Variants in ABR observed in about 807,000 individuals in gnomAD.
The protein encoded by ABR is ABR activator of RhoGEF and GTPase.
A neutral mutation model predicts 107.2 loss-of-function variants in ABR; 35 were observed. The observed-to-expected ratio is 0.33, with a 90% CI of 0.25 to 0.43. The LOEUF is 0.43. Among genes scored for constraint, ABR ranks in the 20% least tolerant of loss-of-function variants. The pLI is 1.00. For missense variants in ABR, 815 were observed against 1,115.2 expected, an observed-to-expected ratio of 0.73 and a Z score of 3.83; for synonymous variants, 498 against 462.0, an observed-to-expected ratio of 1.08 and a Z score of -1.00.
intron 2 of ABR, among the ~76,000 whole-genome samples, chr17:1,104,999 G>A (rs1241643207): frequency 6.8e-6 from 1 of 147,468 alleles, no homozygotes; most frequent in Non-Finnish European, 1.5e-5. Context: ...GTTCTTTACA[G>A]TAACTTTTTT....
chr17:1,218,128 C>G (rs74878546), intron 1 of ABR, among the ~76,000 whole-genome samples: 3 of 152,164 alleles, frequency 2.0e-5, no homozygotes, highest in African/African-American at 7.2e-5. Context: ...TTCATTTATA[C>G]GGAGCTCACC....
chr17:1,017,464 C>CT (rs61229673), intron 16 of ABR, among the ~76,000 whole-genome samples: 1,141 of 104,522 alleles, frequency 0.011, 18 homozygotes, highest in African/African-American at 0.024. Flanking sequence ...GCCATGCCCT[C>CT]TTTTTTTTTT....
intron 2 of ABR, among the ~76,000 whole-genome samples, chr17:1,112,551 C>T (rs2038735458): frequency 6.7e-6 from 1 of 148,794 alleles, no homozygotes; most frequent in Non-Finnish European, 1.5e-5. Flanking sequence ...GAGCTATGAT[C>T]GCACCACTGC....
At chr17:1,073,736 C>A (rs557360898) in intron 6 of ABR, 59 bp from the exon 7 acceptor site, 2 of 1,472,272 alleles carry the variant, frequency 1.4e-6, no homozygotes, top group Non-Finnish European at 1.9e-6. Context: ...AACCCAACAC[C>A]CCAGAGACCA....
At chr17:1,094,100 T>A (rs938011308) in intron 3 of ABR, among the ~76,000 whole-genome samples, 59 of 136,718 alleles carry the variant, frequency 4.3e-4, no homozygotes, top group African/African-American at 1.6e-3. Context: ...ACGGCCCCTC[T>A]GCGTCCGGTC....
chr17:1,073,751 C>T (rs966401167), intron 6 of ABR, 74 bp from the exon 7 acceptor site: 34 of 1,363,958 alleles, frequency 2.5e-5, no homozygotes, highest in Admixed American at 6.6e-5. Flanking sequence ...AGACCAGCTT[C>T]GTCCCCCCAC....
At chr17:1,128,212 G>A (rs1279554194) in intron 1 of ABR, among the ~76,000 whole-genome samples, 1 of 152,210 alleles carries the variant, frequency 6.6e-6, no homozygotes, top group Admixed American at 6.5e-5. Context: ...CCAGGAAAAG[G>A]GGTACAGAAA....
At chr17:1,212,730 A>T (rs1414341254) in intron 1 of ABR, among the ~76,000 whole-genome samples, 1 of 152,124 alleles carries the variant, frequency 6.6e-6, no homozygotes, top group East Asian at 1.9e-4. Flanking sequence ...TCTTTACTAA[A>T]AGTACAAAAT....
intron 16 of ABR, among the ~76,000 whole-genome samples, chr17:1,030,804 C>T (rs2072666833): frequency 6.6e-6 from 1 of 152,230 alleles, no homozygotes; most frequent in Non-Finnish European, 1.5e-5. Context: ...ATGGGCCCAG[C>T]CCTGGCCAGC....
chr17:1,042,882 C>T (rs933054896), intron 16 of ABR, among the ~76,000 whole-genome samples: 6 of 152,172 alleles, frequency 3.9e-5, no homozygotes, highest in Non-Finnish European at 7.3e-5. Flanking sequence ...TGTATCCAGC[C>T]TCAGAAAGGG....
chr17:1,083,502 A>G lies in ABR; in HGVS notation c.639+18T>C, dbSNP rs2257468. On this transcript the variant is annotated intron_variant, in intron 5 of 22. Coordinates refer to ENST00000302538, the MANE Select transcript of ABR (RefSeq NM_021962.5). ...AAGCTCCTTGTCCCTCAGGGTGGCT[A>G]TGTGGGGAGCGGCCTACCTCTGAGA... is the stretch of plus-strand genomic sequence containing the variant. The G allele has an allele frequency of 0.4, 624,333 of 1,568,794 alleles. 127,006 individuals carry two copies. The highest frequency in any genetic ancestry group is 0.55 in the South Asian group (47,492 of 86,250).
At position 1,009,712 on chromosome 17, in the gene ABR, A is replaced by G; in HGVS notation, c.2309T>C (p.Ile770Thr). The change falls in exon 21 of 23, where the codon ATC becomes ACC. Residue 770 changes from isoleucine (I) to threonine (T), a missense_variant. Ile to Thr is a moderately conservative substitution (Grantham distance 89, BLOSUM62 -1). Transcript: ENST00000302538. Reference protein sequence around the residue: ...LLRSLPDPNLITFLFLLEHLK... With the variant: ...LLRSLPDPNLTTFLFLLEHLK... ...GTGTTCCAGCAGGAAGAGGAAGGTG[A>G]TGAGGTTGGGGTCGGGCAGGGAGCG... 1 of 1,614,058 alleles carries G rather than the reference A, an allele frequency of 6.2e-7. No homozygotes were observed. Among genetic ancestry groups the G allele is most frequent in the Non-Finnish European group, 8.5e-7 (1 of 1,179,986 alleles).
rs530625503 is a variant in ABR, at chr17:1,075,528, C to T, written c.701-1851G>A. Among the ~76,000 whole-genome samples, 13 of 152,378 alleles carry T rather than the reference C, an allele frequency of 8.5e-5. No individual in the cohort carries two copies. In the East Asian group the frequency reaches 2.5e-3, roughly 29 times the overall value. On this transcript the variant is annotated intron_variant, in intron 6 of 22. Transcript: ENST00000302538. The stretch of plus-strand genomic sequence containing the variant: ...AGCCTCAGCAGGGCCACCAGCCTTA[C>T]CCGCAGTCCGAGCTTGGCTGCCTGT...
chr17:1,169,092 G>A (rs1195947834), intron 1 of ABR, among the ~76,000 whole-genome samples: 2 of 152,200 alleles, frequency 1.3e-5, no homozygotes, highest in Non-Finnish European at 1.5e-5. Flanking sequence ...CACCAAAGCT[G>A]GCCCTGCAGG....
rs932357077 is a variant in ABR, at chr17:1,078,403, C to A, written c.700+927G>T. Among the ~76,000 whole-genome samples, 1 of 152,186 alleles carries A rather than the reference C, an allele frequency of 6.6e-6. No homozygotes were observed. Among genetic ancestry groups the A allele is most frequent in the African/African-American group, 2.4e-5 (1 of 41,452 alleles). ...GCGCTGGCACCCTCTCGGCTGGCAA[C>A]GCCGCCGTCCGGACCATCGCCACCC... On this transcript the variant is annotated intron_variant, in intron 6 of 22. Transcript: ENST00000302538. The surrounding 1 kb of genome is among the most constrained non-coding windows in gnomAD (Gnocchi z 7.5).
In ABR at chr17:1,076,727, G is replaced by GCGGGGC. The variant is rs1567711000; in HGVS notation, c.700+2602_700+2603insGCCCCG. ...AGGGCAGGTGCACGGGGGGGGTGGG[G>GCGGGGC]GTGGGGGGGGTGGCGGCACTGGGAC... On this transcript the variant is annotated intron_variant, in intron 6 of 22. Coordinates refer to ENST00000302538, the MANE Select transcript of ABR (RefSeq NM_021962.5). Among the ~76,000 whole-genome samples, 4 of 122,912 alleles carry GCGGGGC rather than the reference G, an allele frequency of 3.3e-5. 2 individuals are homozygous for GCGGGGC. Among genetic ancestry groups the GCGGGGC allele is most frequent in the African/African-American group, 1.6e-4 (4 of 24,896 alleles). The allele number at this position is 122,912 out of a possible 152,430, so 80.6% of individuals were successfully genotyped here. A position where few individuals can be genotyped will look rare whatever the true frequency, so the allele number is the denominator to read the frequency against.
chr17:1,093,218 T>C (rs2037156617), intron 3 of ABR, among the ~76,000 whole-genome samples: 1 of 151,536 alleles, frequency 6.6e-6, no homozygotes, highest in South Asian at 2.1e-4. Context: ...CCTGTCATCC[T>C]AGCACTTTGG....
chr17:1,044,790 G>C, intron 16 of ABR, among the ~76,000 whole-genome samples: 1 of 151,978 alleles, frequency 6.6e-6, no homozygotes. Flanking sequence ...CTTCACATTC[G>C]TGCCTCCCTG....
At position 1,051,119 on chromosome 17, in the gene ABR, C is replaced by G. The variant is rs536001766; in HGVS notation, c.1562-485G>C. On this transcript the variant is annotated intron_variant, in intron 14 of 22. Transcript: ENST00000302538. This position sits in a 1 kb window ranked among gnomAD's most constrained non-coding sequence, Gnocchi z 4.3. ...GGTGGGAGGCGTTTAGCAGCCCTGC[C>G]TCTGGGTCCTGAATGCTCGGAGCAT... Among the ~76,000 whole-genome samples the G allele has an allele frequency of 6.6e-6, 1 of 152,226 alleles. No individual in the cohort carries two copies. Among genetic ancestry groups the G allele is most frequent in the African/African-American group, 2.4e-5 (1 of 41,528 alleles).
Sources: gnomAD v4.1 joint callset for allele counts (sites outside exome capture counted in the v4.1 genomes callset) on GRCh38, gnomAD v4.1.1 for gene constraint, Gnocchi (gnomAD v3.1) non-coding constraint, MANE v1.5 for transcripts, NCBI Gene and HGNC (gene_info 2026-07-23, HGNC 2026-07-21) for gene names.